USP10: variants seen among roughly 807,000 people sequenced by gnomAD.
USP10 encodes the protein ubiquitin specific peptidase 10.
A neutral mutation model predicts 84.5 loss-of-function variants in USP10; 22 were observed. The observed-to-expected ratio is 0.26, with a 90% confidence interval of 0.19 to 0.37. The LOEUF is 0.37. Ranked by LOEUF, USP10 falls within the 10% of genes least tolerant of loss-of-function variation. USP10 has a pLI of 1.00. For missense variants in USP10, 1,019 were observed against 998.9 expected (o/e 1.02, Z -0.27); for synonymous variants, 454 against 387.6 (o/e 1.17, Z -2.01).
At chr16:84,778,833 G>C (rs753569021) in intron 13 of USP10, 62 bp from the exon 14 acceptor site, 1 of 1,511,822 alleles carries the variant, frequency 6.6e-7, no homozygotes, top group Non-Finnish European at 9.0e-7. Context: ...AGTCGGCGGA[G>C]ACCTGTAATG....
intron 10 of USP10, 52 bp downstream of exon 10, chr16:84,764,315 A>G (rs1913572098): frequency 6.2e-7 from 1 of 1,611,334 alleles, no homozygotes; most frequent in Non-Finnish European, 8.5e-7. Context: ...GGGTTTTGCC[A>G]TGTTGGTGAA....
Position 84,763,966 on chromosome 16 carries a change from C to T in USP10, c.1655-120C>T, listed in dbSNP as rs138703786. 3.1e-6 allele frequency: 4 copies of T among 1,280,886 alleles called. No homozygotes were observed. In the East Asian group the frequency reaches 7.7e-5, roughly 25 times the overall value. The allele number at this position is 1,280,886 out of a possible 1,614,324, so 79.3% of individuals were successfully genotyped here. ...CTCCTGTTGCGATTGGTTGCCGTGGCTCCTAATGTAGACCACACCCTGATT... is the reference window on the plus strand; with the variant it reads ...CTCCTGTTGCGATTGGTTGCCGTGGTTCCTAATGTAGACCACACCCTGATT... On this transcript the variant is annotated intron_variant, in intron 9 of 13. Transcript: ENST00000219473.
At chr16:84,717,110 C>G (rs1408888072) in intron 1 of USP10, among the ~76,000 whole-genome samples, 1 of 152,200 alleles carries the variant, frequency 6.6e-6, no homozygotes, top group Non-Finnish European at 1.5e-5. Flanking sequence ...GCCCTGTGCG[C>G]TGTCTGAGCT....
intron 2 of USP10, among the ~76,000 whole-genome samples, chr16:84,739,888 C>T (rs1164770998): frequency 6.6e-6 from 1 of 152,134 alleles, no homozygotes; most frequent in Non-Finnish European, 1.5e-5. Flanking sequence ...GGCTGTGTTG[C>T]AATGTAGTGA....
chr16:84,768,273 A>G lies in USP10; in HGVS notation c.1913A>G (p.Asp638Gly), dbSNP rs917689803. ...FFTLQLDIQSDKIRTVQDALE... is the reference protein window; with the variant it reads ...FFTLQLDIQSGKIRTVQDALE... ...ACGTTGCAGTTGGATATCCAGTCAG[A>G]CAAGATACGCACAGTCCAGGATGCA... The change falls in exon 11 of 14, where the codon GAC becomes GGC. Residue 638 changes from aspartate to glycine, a missense_variant. Physicochemically the swap from Asp to Gly is moderately conservative, Grantham distance 94. Around this residue, in one of 2 missense-constraint regions of USP10, gnomAD observed 232 missense variants for 290.1 expected, o/e 0.80. Coordinates refer to ENST00000219473, the MANE Select transcript of USP10 (RefSeq NM_005153.3). 2.5e-6 allele frequency: 4 copies of G among 1,607,410 alleles called. No homozygotes were observed. Among genetic ancestry groups the G allele is most frequent in the African/African-American group, 2.7e-5 (2 of 74,988 alleles).
At chr16:84,764,603 G>C (rs1476535108) in intron 10 of USP10, among the ~76,000 whole-genome samples, 4 of 152,282 alleles carry the variant, frequency 2.6e-5, no homozygotes, top group Non-Finnish European at 5.9e-5. Flanking sequence ...GGCCAAGGCG[G>C]GTGGATCACC....
chr16:84,712,683 G>A (rs1481750478), intron 1 of USP10, among the ~76,000 whole-genome samples: 1 of 152,180 alleles, frequency 6.6e-6, no homozygotes, highest in African/African-American at 2.4e-5. Flanking sequence ...GCTTCCCACA[G>A]TATCACCTTG....
rs371694161 is a variant in USP10 at position 84,744,985 on chromosome 16, T to C, written c.504T>C (p.Asp168=). The C allele has an allele frequency of 8.7e-6, 14 of 1,613,836 alleles. No homozygotes were observed. Among genetic ancestry groups the C allele is most frequent in the Non-Finnish European group, 1.1e-5 (13 of 1,179,736 alleles). Residue 168 remains aspartate (D), a synonymous_variant, in exon 4 of 14, where the codon GAT becomes GAC. Transcript: ENST00000219473. ...GYYSYLKDGG[D]DSISTEALVN... is the part of the protein sequence containing the mutation. ...ACAGCTATTTGAAAGATGGTGGCGA[T>C]GATAGTATCTCCACAGAAGCCCTGG...
chr16:84,777,752 C>T (rs1002297323), intron 13 of USP10, among the ~76,000 whole-genome samples: 1 of 152,148 alleles, frequency 6.6e-6, no homozygotes, highest in African/African-American at 2.4e-5. Context: ...CACGTGACAA[C>T]TGCGACTAGA....
Position 84,779,461 on chromosome 16 carries a change from AAAAAG to A in USP10, c.*383_*387del, listed in dbSNP as rs1915350239. ...TGAAAATGAATTTTATCTTTCCTTA[AAAAAG>A]AAATTTTTTAATCCATCACACTTTT... is the stretch of plus-strand genomic sequence containing the variant. On this transcript the variant is annotated 3_prime_UTR_variant, in exon 14 of 14. Coordinates refer to ENST00000219473, the MANE Select transcript of USP10 (RefSeq NM_005153.3). The A allele has an allele frequency of 6.3e-6, 1 of 157,818 alleles. No individual in the cohort carries two copies. Among genetic ancestry groups the A allele is most frequent in the Non-Finnish European group, 1.4e-5 (1 of 71,732 alleles). 9.8% of individuals were successfully genotyped at this position (157,818 alleles called of 1,614,324 possible). A position where few individuals can be genotyped will look rare whatever the true frequency, so the allele number is the denominator to read the frequency against.
chr16:84,738,336 T>C (rs1052160960), intron 2 of USP10, among the ~76,000 whole-genome samples: 1 of 152,232 alleles, frequency 6.6e-6, no homozygotes, highest in Non-Finnish European at 1.5e-5. Context: ...AAAACACTTT[T>C]CATGCCTCAA....
chr16:84,755,399 G>A (rs937784850), intron 4 of USP10, among the ~76,000 whole-genome samples: 5 of 151,484 alleles, frequency 3.3e-5, no homozygotes, highest in African/African-American at 9.7e-5. Flanking sequence ...TCCTTCCTCA[G>A]CCCGGCTTCT....
intron 1 of USP10, among the ~76,000 whole-genome samples, chr16:84,723,654 A>G (rs1421504254): frequency 1.3e-5 from 2 of 152,256 alleles, no homozygotes; most frequent in African/African-American, 2.4e-5. Context: ...CTCTATGCCA[A>G]GTCTACTGCA....
chr16:84,731,786 T>G (rs1909273037), intron 1 of USP10, among the ~76,000 whole-genome samples: 1 of 151,412 alleles, frequency 6.6e-6, no homozygotes, highest in African/African-American at 2.4e-5. Context: ...CTTTTTTTTT[T>G]GTGATAGTCT....
chr16:84,725,520 C>T (rs966843798), intron 1 of USP10, among the ~76,000 whole-genome samples: 3 of 152,176 alleles, frequency 2.0e-5, no homozygotes, highest in Non-Finnish European at 4.4e-5. Flanking sequence ...CCTGCCTCAG[C>T]CTCCTGAGTA....
chr16:84,734,117 C>A (rs1295479928), intron 2 of USP10, among the ~76,000 whole-genome samples: 2 of 152,156 alleles, frequency 1.3e-5, no homozygotes, highest in African/African-American at 2.4e-5. Context: ...CCTCTGTGGG[C>A]TCCTCCGGGA....
chr16:84,730,715 G>C (rs1909102906), intron 1 of USP10, among the ~76,000 whole-genome samples: 1 of 152,124 alleles, frequency 6.6e-6, no homozygotes, highest in African/African-American at 2.4e-5. Flanking sequence ...GATTTGTAGT[G>C]TTCTTACTGG....
At chr16:84,704,792 T>C in intron 1 of USP10, 1 of 1,535,672 alleles carries the variant, frequency 6.5e-7, no homozygotes, top group Non-Finnish European at 8.7e-7. Flanking sequence ...CCAGAAGCTC[T>C]ACCAGCACTG....
At chr16:84,729,932 C>T (rs1027168271) in intron 1 of USP10, among the ~76,000 whole-genome samples, 1 of 152,218 alleles carries the variant, frequency 6.6e-6, no homozygotes, top group South Asian at 2.1e-4. Context: ...AAGTCCTAAG[C>T]TGTTGTCAAT....
Sources: allele counts gnomAD v4.1 joint callset (sites outside exome capture counted in the v4.1 genomes callset), GRCh38; gene constraint gnomAD v4.1.1; regional missense constraint gnomAD v4.1.1; transcripts MANE v1.5; gene names NCBI Gene and HGNC (gene_info 2026-07-23, HGNC 2026-07-21).